DOCK9: variants seen among roughly 807,000 people sequenced by gnomAD.
DOCK9 encodes the protein dedicator of cytokinesis 9, also known as dedicator of cytokinesis protein 9.
Under a neutral mutation model 263.3 loss-of-function variants are expected in DOCK9, and 89 were observed. The ratio of observed to expected loss-of-function variants is 0.34; its 90% CI spans 0.28 to 0.40. The LOEUF (loss-of-function observed/expected upper bound fraction) is 0.40, where lower values mean the gene tolerates loss of function less well. Among genes scored for constraint, DOCK9 ranks in the 10% least tolerant of loss-of-function variants. The pLI, the probability that DOCK9 is intolerant of heterozygous loss-of-function variation, is 1.00. For synonymous variants in DOCK9, 976 were observed against 973.1 expected (o/e 1.00, Z -0.06); for missense variants, 2,140 against 2,603.4 (o/e 0.82, Z 3.87).
rs189271878 is a variant in DOCK9, at chr13:99,038,192, C to T, written c.129+48031G>A. On this transcript the variant is annotated intron_variant, in intron 1 of 32. Transcript: ENST00000427887. ...GATTTACTATGCTCACTTGTTTTAG[C>T]TTGAATCTATTCAGACTCTAAAGTT... is the stretch of plus-strand genomic sequence containing the variant. 4.6e-4 allele frequency among the ~76,000 whole-genome samples: 69 copies of T among 150,158 alleles called. 2 individuals are homozygous for T. The East Asian group carries it at 0.013, about 28-fold the overall frequency.
intron 1 of DOCK9, among the ~76,000 whole-genome samples, chr13:99,063,332 C>T (rs2041277132): frequency 8.2e-6 from 1 of 121,780 alleles, no homozygotes; most frequent in South Asian, 2.6e-4. Context: ...TGTGGGGAAC[C>T]CTTCCCAGCC....
chr13:99,008,185 C>CGCCT (rs1269274928), intron 1 of DOCK9, among the ~76,000 whole-genome samples: 2 of 100,996 alleles, frequency 2.0e-5, no homozygotes, highest in African/African-American at 3.9e-5. Context: ...TATTGTGCAG[C>CGCCT]CTCTCTCTCT....
rs561409737 is a variant in DOCK9, at chr13:98,957,098, C to A, written c.127-1547G>T. On this transcript the variant is annotated intron_variant, in intron 1 of 52. Coordinates refer to ENST00000682017, the MANE Select transcript of DOCK9 (RefSeq NM_001366683.2). ...TCATCTGGCCCACAAAAGCCTTCCA[C>A]GTGGCCCCTCCTCCTTCCCTCTGCA... Among the ~76,000 whole-genome samples the A allele has an allele frequency of 7.2e-5, 11 of 152,292 alleles. 1 individual carries two copies. The South Asian group carries it at 2.3e-3, about 32-fold the overall frequency.
chr13:99,057,318 C>T (rs989655179), intron 1 of DOCK9, among the ~76,000 whole-genome samples: 8 of 152,120 alleles, frequency 5.3e-5, no homozygotes, highest in African/African-American at 1.9e-4. Context: ...CAAAATGTTA[C>T]GAGTTGACAT....
intron 1 of DOCK9, chr13:99,015,435 G>C (rs748680708): frequency 1.4e-5 from 22 of 1,576,872 alleles, no homozygotes; most frequent in Non-Finnish European, 1.9e-5. Flanking sequence ...AATTAAGCAA[G>C]ATAGCATTTA....
At chr13:99,061,554 C>T (rs904759998) in intron 1 of DOCK9, among the ~76,000 whole-genome samples, 1 of 152,160 alleles carries the variant, frequency 6.6e-6, no homozygotes, top group African/African-American at 2.4e-5. Context: ...AGACCCATGG[C>T]AGACTGGGGA....
chr13:99,056,717 G>A (rs551252580), intron 1 of DOCK9, among the ~76,000 whole-genome samples: 227 of 152,242 alleles, frequency 1.5e-3, no homozygotes, highest in Middle Eastern at 3.4e-3. Context: ...TCCCTGTAAC[G>A]TGTTGTTTTT....
At chr13:98,861,175 G>A (rs1190985807) in intron 32 of DOCK9, among the ~76,000 whole-genome samples, 1 of 152,146 alleles carries the variant, frequency 6.6e-6, no homozygotes, top group African/African-American at 2.4e-5. Flanking sequence ...TGAGATAAGC[G>A]AGGTGCACTT....
At chr13:98,951,185 T>C (rs542592613) in intron 2 of DOCK9, among the ~76,000 whole-genome samples, 3 of 152,148 alleles carry the variant, frequency 2.0e-5, no homozygotes, top group Admixed American at 2.0e-4. Flanking sequence ...AAAATAAAGG[T>C]TTATTAATCA....
At chr13:98,959,737 G>A (rs1403356560) in intron 1 of DOCK9, among the ~76,000 whole-genome samples, 2 of 152,208 alleles carry the variant, frequency 1.3e-5, no homozygotes, top group Non-Finnish European at 2.9e-5. Flanking sequence ...GGCAGGGATG[G>A]AGCCACCCTG....
chr13:98,848,355 C>T (rs990608963), intron 37 of DOCK9, among the ~76,000 whole-genome samples: 1 of 152,016 alleles, frequency 6.6e-6, no homozygotes, highest in Admixed American at 6.6e-5. Context: ...TAGACACAGC[C>T]CGCTAAAGGA....
At chr13:99,086,403 C>CCCGGT in exon 1 of DOCK9, 1 of 1,016,730 alleles carries the variant, frequency 9.8e-7, no homozygotes, top group Non-Finnish European at 1.2e-6. Flanking sequence ...CCCGGCCCGG[C>CCCGGT]CGCGCGGCCG....
chr13:99,059,050 C>G (rs372086376), intron 1 of DOCK9, among the ~76,000 whole-genome samples: 85 of 152,350 alleles, frequency 5.6e-4, no homozygotes, highest in African/African-American at 2.0e-3. Context: ...CCTCTCTCCA[C>G]TACCCGTCCT....
intron 1 of DOCK9, among the ~76,000 whole-genome samples, chr13:99,052,447 G>A (rs138156889): frequency 7.0e-4 from 106 of 152,282 alleles, no homozygotes; most frequent in African/African-American, 2.3e-3. Context: ...ACCACACTCC[G>A]TATCCAAGGG....
At chr13:99,001,451 C>G (rs917529810) in intron 1 of DOCK9, among the ~76,000 whole-genome samples, 1 of 152,208 alleles carries the variant, frequency 6.6e-6, no homozygotes, top group Non-Finnish European at 1.5e-5. Context: ...GACTGGGGCC[C>G]TCATCCCATA....
intron 1 of DOCK9, among the ~76,000 whole-genome samples, chr13:99,040,803 T>C (rs907928046): frequency 6.6e-6 from 1 of 152,172 alleles, no homozygotes; most frequent in Non-Finnish European, 1.5e-5. Context: ...TGACTCCTGC[T>C]CCATCCAGGA....
At chr13:98,826,397 G>A (rs1265897388) in intron 44 of DOCK9, among the ~76,000 whole-genome samples, 3 of 152,200 alleles carry the variant, frequency 2.0e-5, no homozygotes, top group Non-Finnish European at 4.4e-5. Flanking sequence ...TGGGAGATAA[G>A]GTTTCCATCA....
At chr13:98,899,052 A>AT (rs71683157) in intron 13 of DOCK9, among the ~76,000 whole-genome samples, 98,476 of 140,504 alleles carry the variant, frequency 0.7, 34,992 homozygotes, top group Non-Finnish European at 0.78. Context: ...ACATTACTTA[A>AT]TTTTTTTTTT....
intron 7 of DOCK9, among the ~76,000 whole-genome samples, chr13:98,917,349 G>A (rs1445753890): frequency 1.3e-5 from 2 of 152,182 alleles, no homozygotes; most frequent in African/African-American, 4.8e-5. Flanking sequence ...GTAACTTAAA[G>A]GTCTTTTGAC....
Sources: gnomAD v4.1 joint callset for allele counts (sites outside exome capture counted in the v4.1 genomes callset) on GRCh38, gnomAD v4.1.1 for gene constraint, MANE v1.5 for transcripts, NCBI Gene and HGNC (gene_info 2026-07-23, HGNC 2026-07-21) for gene names.